KLHL14: variants seen among roughly 807,000 people sequenced by gnomAD.
KLHL14 encodes the protein kelch like family member 14.
In KLHL14, 22 loss-of-function variants were observed where a neutral mutation model predicts 64.3. That is an observed-to-expected ratio of 0.34 (90% confidence interval 0.24 to 0.49). The LOEUF (loss-of-function observed/expected upper bound fraction) is 0.49, where lower values mean the gene tolerates loss of function less well. KLHL14 is among the 20% of genes least tolerant of loss of function. The pLI is 0.99. For missense variants in KLHL14, 661 were observed against 789.0 expected, an observed-to-expected ratio of 0.84 and a Z score of 1.94; for synonymous variants, 322 against 333.4, an observed-to-expected ratio of 0.97 and a Z score of 0.37.
At chr18:32,736,047 A>C (rs2050164323) in intron 3 of KLHL14, among the ~76,000 whole-genome samples, 1 of 152,108 alleles carries the variant, frequency 6.6e-6, no homozygotes, top group Non-Finnish European at 1.5e-5. Context: ...AGCACATACC[A>C]CAGCTTATGT....
intron 3 of KLHL14, among the ~76,000 whole-genome samples, chr18:32,740,346 T>C (rs1275892648): frequency 1.3e-5 from 2 of 152,252 alleles, no homozygotes; most frequent in East Asian, 3.8e-4. Flanking sequence ...CACAATGCTT[T>C]AATTCATCTT....
intron 3 of KLHL14, among the ~76,000 whole-genome samples, chr18:32,721,347 C>G (rs1412854343): frequency 6.6e-6 from 1 of 152,202 alleles, no homozygotes; most frequent in Non-Finnish European, 1.5e-5. Context: ...GTCTGCCACT[C>G]TGATACCCCT....
chr18:32,764,172 G>A (rs192738875), intron 2 of KLHL14, among the ~76,000 whole-genome samples: 3 of 151,828 alleles, frequency 2.0e-5, no homozygotes, highest in Admixed American at 6.6e-5. Flanking sequence ...AAATATACTC[G>A]CCTATTTTGA....
chr18:32,768,453 C>T (rs1489890460), intron 2 of KLHL14, among the ~76,000 whole-genome samples: 3 of 150,648 alleles, frequency 2.0e-5, no homozygotes, highest in African/African-American at 7.3e-5. Flanking sequence ...TATAAGGCTG[C>T]ACAAGGTGGG....
intron 2 of KLHL14, among the ~76,000 whole-genome samples, chr18:32,763,546 G>C (rs936004685): frequency 6.6e-6 from 1 of 152,074 alleles, no homozygotes; most frequent in Non-Finnish European, 1.5e-5. Context: ...CTGAGTCCCA[G>C]TTTTCTCATC....
intron 3 of KLHL14, among the ~76,000 whole-genome samples, chr18:32,716,867 C>T (rs371533441): frequency 2.0e-5 from 3 of 151,886 alleles, no homozygotes; most frequent in Non-Finnish European, 4.4e-5. Context: ...AAGCCTTTTA[C>T]ATTATGACTC....
intron 2 of KLHL14, 39 bp from the exon 3 acceptor site, chr18:32,742,088 A>C: frequency 6.3e-7 from 1 of 1,592,336 alleles, no homozygotes; most frequent in Non-Finnish European, 8.5e-7. Context: ...TAACCACATT[A>C]CTGTAGAGTC....
chr18:32,719,110 G>T (rs9965869), intron 3 of KLHL14, among the ~76,000 whole-genome samples: 1 of 151,994 alleles, frequency 6.6e-6, no homozygotes, highest in Non-Finnish European at 1.5e-5. Flanking sequence ...CACCACACCT[G>T]GGTAATTTTG....
chr18:32,686,257 C>T (rs1191209695), intron 5 of KLHL14, among the ~76,000 whole-genome samples: 1 of 147,410 alleles, frequency 6.8e-6, no homozygotes, highest in Non-Finnish European at 1.5e-5. Flanking sequence ...TCATGAACTC[C>T]TGGCTTCGTG....
At chr18:32,756,246 G>A (rs2050280901) in intron 2 of KLHL14, among the ~76,000 whole-genome samples, 1 of 152,166 alleles carries the variant, frequency 6.6e-6, no homozygotes, top group Non-Finnish European at 1.5e-5. Flanking sequence ...AGGCCATGTG[G>A]GCATACAGCA....
intron 3 of KLHL14, among the ~76,000 whole-genome samples, chr18:32,734,407 T>C (rs1051875847): frequency 2.0e-5 from 3 of 152,184 alleles, no homozygotes; most frequent in Admixed American, 6.5e-5. Flanking sequence ...TATCAACCTG[T>C]GTTGGACATG....
Position 32,770,076 on chromosome 18 carries a change from G to C in KLHL14, c.516C>G (p.Leu172=). ...TCTGGTCGTTGAGGAACTGCACGCAGAGCTTGGTGACCTGGGGGATGTGCA... is the reference window on the plus strand; with the variant it reads ...TCTGGTCGTTGAGGAACTGCACGCACAGCTTGGTGACCTGGGGGATGTGCA... ...KILHIPQVTK[L]CVQFLNDQIS... The change falls in exon 2 of 9, where the codon CTC becomes CTG. Residue 172 remains leucine (L), a synonymous_variant. Coordinates refer to ENST00000359358, the MANE Select transcript of KLHL14 (RefSeq NM_020805.3). The surrounding 1 kb of genome is among the most constrained non-coding windows in gnomAD (Gnocchi z 6.7). 6.2e-7 allele frequency: 1 copy of C among 1,614,160 alleles called. No homozygotes were observed. The highest frequency in any genetic ancestry group is 8.5e-7 in the Non-Finnish European group (1 of 1,180,020).
At chr18:32,736,718 A>T (rs772230246) in intron 3 of KLHL14, among the ~76,000 whole-genome samples, 7 of 151,778 alleles carry the variant, frequency 4.6e-5, no homozygotes, top group Non-Finnish European at 8.8e-5. Flanking sequence ...AAGACACTAT[A>T]CTCCCTCTTG....
intron 3 of KLHL14, among the ~76,000 whole-genome samples, chr18:32,715,262 T>A (rs1182559158): frequency 6.6e-6 from 1 of 152,182 alleles, no homozygotes; most frequent in Non-Finnish European, 1.5e-5. Context: ...GCAACTTTGA[T>A]CCATGTTTCA....
At chr18:32,693,725 T>C (rs2049923362) in intron 4 of KLHL14, among the ~76,000 whole-genome samples, 1 of 152,152 alleles carries the variant, frequency 6.6e-6, no homozygotes, top group Non-Finnish European at 1.5e-5. Context: ...TCTAGTCATT[T>C]CTCACAGCAT....
intron 3 of KLHL14, among the ~76,000 whole-genome samples, chr18:32,719,024 C>T (rs2050061161): frequency 6.6e-6 from 1 of 152,190 alleles, no homozygotes; most frequent in Non-Finnish European, 1.5e-5. Flanking sequence ...TCTTGGCTCA[C>T]CACAACCTCT....
chr18:32,772,377 G>T lies in KLHL14; in HGVS notation c.-44+290C>A, dbSNP rs1301419413. 6 of 200,914 alleles carry T rather than the reference G, an allele frequency of 3.0e-5. No homozygotes were observed. The South Asian group carries it at 4.1e-4, about 14-fold the overall frequency. The allele number at this position is 200,914 out of a possible 1,614,324, so 12.4% of individuals were successfully genotyped here. ...TGGCTTGCCTGAAACATCTTACAGA[G>T]TCTCTCTCCCTTTAAGAGGACCCGG... On this transcript the variant is annotated intron_variant, in intron 1 of 8. Coordinates refer to ENST00000359358, the MANE Select transcript of KLHL14 (RefSeq NM_020805.3).
intron 3 of KLHL14, among the ~76,000 whole-genome samples, chr18:32,697,715 G>T (rs190854751): frequency 9.0e-4 from 137 of 152,178 alleles, no homozygotes; most frequent in African/African-American, 3.2e-3. Context: ...AATAATACAT[G>T]ATTTATTTTT....
chr18:32,720,862 T>C (rs538067368), intron 3 of KLHL14, among the ~76,000 whole-genome samples: 2 of 152,296 alleles, frequency 1.3e-5, no homozygotes, highest in East Asian at 3.9e-4. Flanking sequence ...GAAAATACTC[T>C]ACCTTCTTCA....
Sources: allele counts gnomAD v4.1 joint callset (sites outside exome capture counted in the v4.1 genomes callset), GRCh38; gene constraint gnomAD v4.1.1; non-coding constraint Gnocchi (gnomAD v3.1); transcripts MANE v1.5; gene names NCBI Gene and HGNC (gene_info 2026-07-23, HGNC 2026-07-21).